GOLM2: variants seen among roughly 807,000 people sequenced by gnomAD.
GOLM2 encodes the protein protein GOLM2.
Under a neutral mutation model 55.9 loss-of-function variants are expected in GOLM2, and 26 were observed. The ratio of observed to expected loss-of-function variants is 0.47; its 90% CI spans 0.34 to 0.65. The LOEUF is 0.65. GOLM2 is among the 30% of genes least tolerant of loss of function. The pLI, the probability that GOLM2 is intolerant of heterozygous loss-of-function variation, is 0.01. For synonymous variants in GOLM2, 165 were observed against 194.6 expected, an observed-to-expected ratio of 0.85 and a Z score of 1.27; for missense variants, 486 against 531.8, an observed-to-expected ratio of 0.91 and a Z score of 0.85.
chr15:44,382,305 T>C (rs1304489339), intron 8 of GOLM2: 1 of 149,446 alleles, frequency 6.7e-6, no homozygotes, highest in African/African-American at 2.5e-5. Context: ...GATTTTCTTC[T>C]TTTTTTTTTA....
chr15:44,340,450 G>T (rs1018727873), intron 6 of GOLM2, among the ~76,000 whole-genome samples: 1 of 152,076 alleles, frequency 6.6e-6, no homozygotes, highest in Non-Finnish European at 1.5e-5. Flanking sequence ...TGTAGAGACG[G>T]TGCCTCACTG....
chr15:44,347,653 G>A (rs1040193622), intron 6 of GOLM2, among the ~76,000 whole-genome samples: 3 of 152,154 alleles, frequency 2.0e-5, no homozygotes, highest in East Asian at 1.9e-4. Flanking sequence ...CCCCAGGCAA[G>A]TACTAGAGTA....
chr15:44,337,193 G>A (rs2079063243), intron 4 of GOLM2, among the ~76,000 whole-genome samples: 1 of 151,850 alleles, frequency 6.6e-6, no homozygotes, highest in African/African-American at 2.4e-5. Context: ...TGTACCTGAA[G>A]ATTCACATTT....
chr15:44,316,416 G>A (rs941106907), intron 1 of GOLM2, among the ~76,000 whole-genome samples: 1 of 152,132 alleles, frequency 6.6e-6, no homozygotes, highest in African/African-American at 2.4e-5. Flanking sequence ...GGATGGTGGT[G>A]GAGATATTAA....
intron 1 of GOLM2, among the ~76,000 whole-genome samples, chr15:44,311,957 T>C (rs747352034): frequency 3.4e-4 from 52 of 152,304 alleles, no homozygotes; most frequent in Admixed American, 6.5e-4. Context: ...GTCGTTAACA[T>C]AGGATTTCAA....
At chr15:44,401,184 T>C (rs904064353) in intron 8 of GOLM2, among the ~76,000 whole-genome samples, 4 of 152,116 alleles carry the variant, frequency 2.6e-5, no homozygotes, top group African/African-American at 9.7e-5. Context: ...CAATCTTAGC[T>C]CACTATAACC....
intron 8 of GOLM2, among the ~76,000 whole-genome samples, chr15:44,397,075 C>T (rs1479802270): frequency 1.3e-5 from 2 of 151,986 alleles, no homozygotes; most frequent in African/African-American, 4.8e-5. Context: ...TTTATTACTC[C>T]CCTAGCTGGG....
intron 1 of GOLM2, among the ~76,000 whole-genome samples, chr15:44,293,812 G>A (rs76040373): frequency 0.023 from 3,553 of 152,172 alleles, 85 homozygotes; most frequent in East Asian, 0.1. Context: ...TGTACACTTT[G>A]GAAGAAAGTA....
intron 4 of GOLM2, among the ~76,000 whole-genome samples, chr15:44,336,367 T>C: frequency 6.6e-6 from 1 of 151,396 alleles, no homozygotes; most frequent in East Asian, 2.0e-4. Context: ...TCCGCCCACC[T>C]CGGCCTCCCG....
At chr15:44,322,486 A>G (rs12148618) in intron 1 of GOLM2, among the ~76,000 whole-genome samples, 3,471 of 152,266 alleles carry the variant, frequency 0.023, 59 homozygotes, top group East Asian at 0.066. Flanking sequence ...TTTTAGTTAC[A>G]TTTTACAATT....
intron 2 of GOLM2, among the ~76,000 whole-genome samples, chr15:44,326,659 T>G (rs2078983145): frequency 6.7e-6 from 1 of 149,988 alleles, no homozygotes; most frequent in Admixed American, 6.6e-5. Flanking sequence ...TTATAGTTTT[T>G]TTTTTTTTTT....
chr15:44,313,218 A>T (rs1486642610), intron 1 of GOLM2, among the ~76,000 whole-genome samples: 1 of 152,186 alleles, frequency 6.6e-6, no homozygotes. Flanking sequence ...CACTCACTGC[A>T]CTCCAGCCTG....
At chr15:44,294,505 G>C (rs1048151727) in intron 1 of GOLM2, among the ~76,000 whole-genome samples, 9 of 152,082 alleles carry the variant, frequency 5.9e-5, no homozygotes, top group Non-Finnish European at 1.3e-4. Context: ...ACAAGGTCAG[G>C]AGTTCGAGAC....
In GOLM2 at chr15:44,352,756, AT is replaced by A. The variant is rs1159114887; in HGVS notation, c.802+14441del. ...CCCCGTCTCTACTAAAAATACAAAA[AT>A]TACCTGGGCATAGTGGCAGGCACCT... On this transcript the variant is annotated intron_variant, in intron 6 of 9. Transcript: ENST00000299957. Among the ~76,000 whole-genome samples the A allele has an allele frequency of 9.2e-5, 14 of 152,060 alleles. 1 individual carries two copies. Among genetic ancestry groups the A allele is most frequent in the Admixed American group, 7.9e-4 (12 of 15,246 alleles).
Position 44,344,309 on chromosome 15 carries a change from A to ATATT in GOLM2, c.802+5994_802+5995insTTTA, listed in dbSNP as rs1555423363. ...TGTGTATATATATATATATATATAT[A>ATATT]TACCTCTGAAATAGTCAAGGGTTAT... On this transcript the variant is annotated intron_variant, in intron 6 of 9. Coordinates refer to ENST00000299957, the MANE Select transcript of GOLM2 (RefSeq NM_138423.4). Among the ~76,000 whole-genome samples the ATATT allele has an allele frequency of 2.0e-5, 3 of 148,144 alleles. No individual in the cohort carries two copies. The East Asian group carries it at 5.9e-4, about 29-fold the overall frequency.
intron 1 of GOLM2, among the ~76,000 whole-genome samples, chr15:44,319,508 C>T (rs2078934688): frequency 6.6e-6 from 1 of 152,100 alleles, no homozygotes; most frequent in South Asian, 2.1e-4. Context: ...GCATGAGCCA[C>T]CACGCCTGGC....
intron 8 of GOLM2, among the ~76,000 whole-genome samples, chr15:44,391,658 G>A (rs2079491137): frequency 6.6e-6 from 1 of 151,860 alleles, no homozygotes; most frequent in African/African-American, 2.4e-5. Flanking sequence ...ATGATAAGAG[G>A]TATTATTAAT....
At chr15:44,399,223 G>A (rs1355423290) in intron 8 of GOLM2, among the ~76,000 whole-genome samples, 1 of 151,890 alleles carries the variant, frequency 6.6e-6, no homozygotes, top group Non-Finnish European at 1.5e-5. Flanking sequence ...ATGCATTTTT[G>A]TCTGTACCGT....
At chr15:44,367,454 A>G (rs973897530) in intron 6 of GOLM2, among the ~76,000 whole-genome samples, 3 of 152,164 alleles carry the variant, frequency 2.0e-5, no homozygotes, top group African/African-American at 7.2e-5. Context: ...TTTGCCAGAT[A>G]TAGAAATCTG....
Sources: allele counts gnomAD v4.1 joint callset (sites outside exome capture counted in the v4.1 genomes callset), GRCh38; gene constraint gnomAD v4.1.1; transcripts MANE v1.5; gene names NCBI Gene and HGNC (gene_info 2026-07-23, HGNC 2026-07-21).